Variants in DNAH14 observed in about 807,000 individuals in gnomAD.
The protein encoded by DNAH14 is axonemal beta dynein heavy chain 14.
DNAH14 carries 478 observed loss-of-function variants against 520.9 expected under a neutral mutation model. The observed-to-expected ratio is 0.92, with a 90% CI of 0.85 to 0.99. The LOEUF is 0.99. Among genes scored for constraint, DNAH14 ranks in the 50% least tolerant of loss-of-function variants. The pLI is 0.00. For missense variants in DNAH14, 4,831 were observed against 5,234.5 expected (o/e 0.92, Z 2.38); for synonymous variants, 1,581 against 1,757.2 (o/e 0.90, Z 2.51).
rs57383022 is a variant in DNAH14 at position 225,226,360 on chromosome 1, C to A, written c.6440-4713C>A. 5.0e-3 allele frequency among the ~76,000 whole-genome samples: 762 copies of A among 152,282 alleles called. 6 individuals are homozygous for A. The highest frequency in any genetic ancestry group is 0.017 in the African/African-American group (719 of 41,550). ...AAAGTTCTAACCTTTATTGTGTGCC[C>A]GCCCAAACACAATTATGGCTACATC... is the stretch of plus-strand genomic sequence containing the variant. On this transcript the variant is annotated intron_variant, in intron 41 of 85. Coordinates refer to ENST00000682510, the MANE Select transcript of DNAH14 (RefSeq NM_001367479.1).
intron 46 of DNAH14, among the ~76,000 whole-genome samples, chr1:225,261,103 C>A (rs1281019724): frequency 6.6e-6 from 1 of 152,186 alleles, no homozygotes; most frequent in African/African-American, 2.4e-5. Context: ...AATTTCACCT[C>A]TTCTTTTCCT....
intron 35 of DNAH14, among the ~76,000 whole-genome samples, chr1:225,162,853 T>C (rs1382912504): frequency 6.6e-6 from 1 of 152,044 alleles, no homozygotes; most frequent in Non-Finnish European, 1.5e-5. Flanking sequence ...ATGCTACTGA[T>C]TGGCCAGGCG....
At chr1:225,314,912 A>G (rs4653417) in intron 60 of DNAH14, among the ~76,000 whole-genome samples, 36,867 of 151,812 alleles carry the variant, frequency 0.24, 4,697 homozygotes, top group East Asian at 0.35. Flanking sequence ...AGGATTATGC[A>G]TCTTAGGGTT....
intron 36 of DNAH14, among the ~76,000 whole-genome samples, chr1:225,184,762 A>C (rs897898859): frequency 2.6e-5 from 4 of 152,178 alleles, no homozygotes; most frequent in African/African-American, 9.6e-5. Flanking sequence ...AAAGAGAGAG[A>C]GAGAGAAAGA....
rs143844626 is a variant in DNAH14, at chr1:225,326,431, G to A, written c.9723+1599G>A. Among the ~76,000 whole-genome samples, 19 of 152,254 alleles carry A rather than the reference G, an allele frequency of 1.2e-4. No homozygotes were observed. In the East Asian group the frequency reaches 3.7e-3, roughly 29 times the overall value. On this transcript the variant is annotated intron_variant, in intron 64 of 85. Transcript: ENST00000682510. ...GTCGTGCGGGTAGAAGCAGAGTCTT[G>A]GAGGCCTACAGCTGAGTTTGAAGAG...
chr1:224,989,978 A>G (rs954121030), intron 8 of DNAH14, among the ~76,000 whole-genome samples: 2 of 151,188 alleles, frequency 1.3e-5, no homozygotes, highest in Non-Finnish European at 2.9e-5. Context: ...ATATTTTGCT[A>G]TGGATCTTTG....
At position 225,219,795 on chromosome 1, in the gene DNAH14, A is replaced by G. The variant is rs138185469; in HGVS notation, c.6440-11278A>G. Reference sequence around the variant, plus strand: ...AACAATAGAAAATAGGGACTCCTCTATAACTCATTTTATGAAGCCAGCATC... The same window carrying G: ...AACAATAGAAAATAGGGACTCCTCTGTAACTCATTTTATGAAGCCAGCATC... On this transcript the variant is annotated intron_variant, in intron 41 of 85. Coordinates refer to ENST00000682510, the MANE Select transcript of DNAH14 (RefSeq NM_001367479.1). Among the ~76,000 whole-genome samples, 925 of 152,244 alleles carry G rather than the reference A, an allele frequency of 6.1e-3. 43 individuals are homozygous for G. The highest frequency in any genetic ancestry group is 0.049 in the Admixed American group (752 of 15,292).
chr1:224,954,342 C>CT (rs2060369890), intron 2 of DNAH14: 1 of 152,040 alleles, frequency 6.6e-6, no homozygotes, highest in African/African-American at 2.4e-5. Context: ...CAATAAAGTG[C>CT]TTTTTTCCCC....
Position 225,398,612 on chromosome 1 carries a change from G to A in DNAH14, c.13584G>A (p.Ser4528=), listed in dbSNP as rs372710071. The A allele has an allele frequency of 1.2e-5, 19 of 1,551,576 alleles. No homozygotes were observed. The highest frequency in any genetic ancestry group is 9.6e-5 in the African/African-American group (7 of 73,040). ...WNREQKILED[S]LPLEMCCDFP... is the part of the protein sequence containing the mutation. ...GTGAACAGAAAATACTGGAAGACTCGCTGCCTCTGGAGATGTGCTGTGATT... is the reference window on the plus strand; with the variant it reads ...GTGAACAGAAAATACTGGAAGACTCACTGCCTCTGGAGATGTGCTGTGATT... Residue 4528 remains serine (S), a synonymous_variant, in exon 85 of 86, where the codon TCG becomes TCA. Transcript: ENST00000682510.
chr1:225,357,298 C>T (rs2095440253), intron 73 of DNAH14, among the ~76,000 whole-genome samples: 1 of 151,146 alleles, frequency 6.6e-6, no homozygotes, highest in Non-Finnish European at 1.5e-5. Context: ...TTCTACCTTC[C>T]CTTTCTCTCC....
At chr1:225,196,376 G>T (rs960705661) in intron 38 of DNAH14, among the ~76,000 whole-genome samples, 4 of 152,138 alleles carry the variant, frequency 2.6e-5, no homozygotes, top group Non-Finnish European at 4.4e-5. Flanking sequence ...GTATTCCATA[G>T]TATACATATA....
chr1:225,047,359 A>G (rs536374552), intron 15 of DNAH14, among the ~76,000 whole-genome samples: 3 of 152,174 alleles, frequency 2.0e-5, no homozygotes, highest in Non-Finnish European at 4.4e-5. Context: ...CTGCATAAAG[A>G]TGGTTCAATC....
At chr1:225,311,744 C>A (rs1355219866) in intron 60 of DNAH14, among the ~76,000 whole-genome samples, 1 of 152,128 alleles carries the variant, frequency 6.6e-6, no homozygotes, top group Admixed American at 6.5e-5. Flanking sequence ...TGTCAAAGAT[C>A]AGATGGTTGT....
At chr1:224,998,477 A>G (rs1288217344) in intron 8 of DNAH14, among the ~76,000 whole-genome samples, 1 of 152,164 alleles carries the variant, frequency 6.6e-6, no homozygotes, top group Non-Finnish European at 1.5e-5. Context: ...ATTTTCATTC[A>G]GTTCACTGAA....
chr1:225,273,096 C>T lies in DNAH14; in HGVS notation c.7981C>T (p.Leu2661Phe), dbSNP rs996651107. Reference protein sequence around the residue: ...FTDKSLFYRLLSRELENCFQI... With the variant: ...FTDKSLFYRLFSRELENCFQI... ...TGATAAAAGCCTTTTCTATCGGTTG[C>T]TTTCAAGGGAACTTGAGAACTGTTT... Residue 2661 changes from leucine to phenylalanine, a missense_variant, in exon 52 of 86, where the codon CTT becomes TTT. Physicochemically the swap from Leu to Phe is conservative, Grantham distance 22. Transcript: ENST00000682510. The T allele has an allele frequency of 1.0e-5, 16 of 1,549,276 alleles. No individual in the cohort carries two copies. Among genetic ancestry groups the T allele is most frequent in the Non-Finnish European group, 1.4e-5 (16 of 1,146,536 alleles).
At chr1:225,092,540 A>C (rs1006114762) in intron 21 of DNAH14, among the ~76,000 whole-genome samples, 3 of 152,144 alleles carry the variant, frequency 2.0e-5, no homozygotes, top group Admixed American at 6.6e-5. Flanking sequence ...CAGTGTTAAC[A>C]GGGAAGTTTA....
intron 38 of DNAH14, among the ~76,000 whole-genome samples, chr1:225,198,101 C>G (rs2086380003): frequency 6.6e-6 from 1 of 152,118 alleles, no homozygotes; most frequent in Non-Finnish European, 1.5e-5. Context: ...GAGTGGGCAT[C>G]CTTGTCTAGC....
intron 27 of DNAH14, among the ~76,000 whole-genome samples, chr1:225,129,750 A>T (rs1038777655): frequency 6.6e-5 from 10 of 152,102 alleles, no homozygotes. Context: ...TTCAGGACAT[A>T]GGCATGGGCA....
chr1:224,956,444 A>C (rs1255389190), intron 3 of DNAH14, among the ~76,000 whole-genome samples: 1 of 152,116 alleles, frequency 6.6e-6, no homozygotes, highest in Non-Finnish European at 1.5e-5. Context: ...ATAGTGTTAC[A>C]GTTGCCAACA....
Sources: allele counts gnomAD v4.1 joint callset (sites outside exome capture counted in the v4.1 genomes callset), GRCh38; gene constraint gnomAD v4.1.1; transcripts MANE v1.5; gene names NCBI Gene and HGNC (gene_info 2026-07-23, HGNC 2026-07-21).